Variants in KCNMA1 observed in about 807,000 individuals in gnomAD.
The protein encoded by KCNMA1 is potassium calcium-activated channel subfamily M alpha 1, also known as Calcium-activated potassium channel subunit alpha-1.
KCNMA1 carries 29 observed loss-of-function variants against 140.0 expected under a neutral mutation model. The observed-to-expected ratio is 0.21, with a 90% CI of 0.15 to 0.28. The LOEUF is 0.28. KCNMA1 is among the 10% of genes least tolerant of loss of function. The pLI is 1.00. For missense variants in KCNMA1, 880 were observed against 1,602.2 expected (o/e 0.55, Z 7.70); for synonymous variants, 612 against 611.9 (o/e 1.00, Z 0.00).
At chr10:76,959,044 C>T (rs191283211) in intron 20 of KCNMA1, among the ~76,000 whole-genome samples, 8 of 152,254 alleles carry the variant, frequency 5.3e-5, no homozygotes, top group African/African-American at 9.6e-5. Flanking sequence ...ATGTAATACC[C>T]AGTATCTCCT....
rs559583650 is a variant in KCNMA1 at position 77,207,784 on chromosome 10, T to C, written c.603-22868A>G. Among the ~76,000 whole-genome samples, 26 of 152,318 alleles carry C rather than the reference T, an allele frequency of 1.7e-4. No individual in the cohort carries two copies. The South Asian group carries it at 5.2e-3, about 30-fold the overall frequency. On this transcript the variant is annotated intron_variant, in intron 3 of 27. Coordinates refer to ENST00000286628, the MANE Select transcript of KCNMA1 (RefSeq NM_001161352.2). The stretch of plus-strand genomic sequence containing the variant: ...CTCCTTGAGCCTGTGATGGCCAAAA[T>C]TGCGTGCATACCATAAATGCTTAAC...
In KCNMA1 at chr10:76,887,303, C is replaced by T. The variant is rs200410171; in HGVS notation, c.3674G>A (p.Arg1225Gln). ...TTCCTGCACGTACTTCTGTTTGTCC[C>T]GGGACTCCCTGGACTTGGGCCGGTT... ...RQNRPKSRES[R>Q]DKQKYVQEER... The change falls in exon 28 of 28, where the codon CGG (arginine) becomes CAG (glutamine). Residue 1225 changes from arginine (R) to glutamine (Q), a missense_variant. Arg to Gln is a conservative substitution (Grantham distance 43, BLOSUM62 1). This residue lies in a region of KCNMA1 where 115 missense variants were observed against 139.9 expected (regional missense o/e 0.82). Transcript: ENST00000286628. 2.0e-5 allele frequency: 33 copies of T among 1,613,964 alleles called. No individual in the cohort carries two copies. Among genetic ancestry groups the T allele is most frequent in the African/African-American group, 2.7e-5 (2 of 74,892 alleles).
intron 21 of KCNMA1, among the ~76,000 whole-genome samples, chr10:76,950,180 C>T (rs993447017): frequency 6.6e-6 from 1 of 152,174 alleles, no homozygotes; most frequent in Non-Finnish European, 1.5e-5. Context: ...CCCTGAAAAA[C>T]CTAAATTTTT....
chr10:77,524,455 GCT>G (rs1314171222), intron 1 of KCNMA1, among the ~76,000 whole-genome samples: 4 of 152,188 alleles, frequency 2.6e-5, no homozygotes, highest in African/African-American at 9.7e-5. Context: ...TGCAAACTAT[GCT>G]CTCTCAGAAT....
chr10:77,184,326 T>C (rs571406473), intron 4 of KCNMA1, among the ~76,000 whole-genome samples: 66 of 152,256 alleles, frequency 4.3e-4, no homozygotes, highest in African/African-American at 1.6e-3. Flanking sequence ...TTCAAGCAAT[T>C]CTCCTGTCTC....
chr10:76,918,362 C>T (rs780567291), intron 23 of KCNMA1, among the ~76,000 whole-genome samples: 1 of 152,152 alleles, frequency 6.6e-6, no homozygotes, highest in Non-Finnish European at 1.5e-5. Flanking sequence ...TTAAATCATC[C>T]ACAGCCAAAG....
chr10:77,250,259 T>C (rs1398593313), intron 3 of KCNMA1: 8 of 152,148 alleles, frequency 5.3e-5, no homozygotes, highest in Non-Finnish European at 1.2e-4. Flanking sequence ...GGATAGAGTT[T>C]AAAGTTCAAA....
At chr10:77,506,034 C>T (rs1457268841) in intron 1 of KCNMA1, among the ~76,000 whole-genome samples, 2 of 152,136 alleles carry the variant, frequency 1.3e-5, no homozygotes, top group Non-Finnish European at 2.9e-5. Flanking sequence ...GAAAACCATG[C>T]TGCTTGGGAA....
At chr10:77,166,767 G>A (rs574186115) in intron 5 of KCNMA1, among the ~76,000 whole-genome samples, 34 of 152,072 alleles carry the variant, frequency 2.2e-4, no homozygotes, top group Non-Finnish European at 4.1e-4. Flanking sequence ...AACTGCTAGT[G>A]GACATTGAGA....
intron 1 of KCNMA1, among the ~76,000 whole-genome samples, chr10:77,572,600 AT>A: frequency 4.5e-5 from 5 of 112,340 alleles, no homozygotes; most frequent in Admixed American, 9.5e-5. Context: ...ATATATATAT[AT>A]ATAAATTAGC....
chr10:77,572,578 A>C (rs1365811091), intron 1 of KCNMA1, among the ~76,000 whole-genome samples: 2 of 81,040 alleles, frequency 2.5e-5, no homozygotes, highest in African/African-American at 1.2e-4. Flanking sequence ...CCATATATAT[A>C]TATATATATA....
rs562828505 is a variant in KCNMA1 at position 77,450,591 on chromosome 10, TC to T, written c.379-46569del. ...CTCCCATAAAAGCATAATTTTATTA[TC>T]ATAAAAAGCCTCCTTTTCAAAACTT... On this transcript the variant is annotated intron_variant, in intron 1 of 27. Coordinates refer to ENST00000286628, the MANE Select transcript of KCNMA1 (RefSeq NM_001161352.2). Among the ~76,000 whole-genome samples the T allele has an allele frequency of 1.2e-4, 18 of 152,298 alleles. No individual in the cohort carries two copies. The East Asian group carries it at 3.3e-3, about 28-fold the overall frequency.
At chr10:77,484,775 G>A (rs1488585072) in intron 1 of KCNMA1, among the ~76,000 whole-genome samples, 4 of 152,198 alleles carry the variant, frequency 2.6e-5, no homozygotes, top group Non-Finnish European at 4.4e-5. Context: ...AATCTGCATC[G>A]CCAACAACTT....
chr10:77,532,069 C>T (rs986583614), intron 1 of KCNMA1, among the ~76,000 whole-genome samples: 2 of 152,204 alleles, frequency 1.3e-5, no homozygotes, highest in African/African-American at 4.8e-5. Context: ...AACTACCCAG[C>T]TCATTATCTC....
At chr10:76,923,508 G>A (rs1165628622) in intron 23 of KCNMA1, among the ~76,000 whole-genome samples, 1 of 152,048 alleles carries the variant, frequency 6.6e-6, no homozygotes, top group Non-Finnish European at 1.5e-5. Context: ...GTTGGTTAAG[G>A]GGAGGAAGGA....
chr10:77,577,265 G>C (rs893560501), intron 1 of KCNMA1, among the ~76,000 whole-genome samples: 3 of 151,756 alleles, frequency 2.0e-5, no homozygotes, highest in Non-Finnish European at 2.9e-5. Context: ...GGCCAGGCTG[G>C]TCTTGAACTC....
At chr10:77,388,013 A>G (rs2095677978) in intron 2 of KCNMA1, among the ~76,000 whole-genome samples, 1 of 152,190 alleles carries the variant, frequency 6.6e-6, no homozygotes, top group South Asian at 2.1e-4. Flanking sequence ...GATCAATCAG[A>G]ATGAACCCAG....
At chr10:77,181,699 G>T (rs1467627120) in intron 5 of KCNMA1, among the ~76,000 whole-genome samples, 2 of 152,148 alleles carry the variant, frequency 1.3e-5, no homozygotes, top group African/African-American at 4.8e-5. Flanking sequence ...AGATTTGTGT[G>T]TGACTCTACT....
At chr10:77,519,073 C>A (rs1403820376) in intron 1 of KCNMA1, among the ~76,000 whole-genome samples, 2 of 152,246 alleles carry the variant, frequency 1.3e-5, no homozygotes, top group Non-Finnish European at 2.9e-5. Context: ...TCCGTCCACT[C>A]ACTTGTCCCA....
Sources: allele counts gnomAD v4.1 joint callset (sites outside exome capture counted in the v4.1 genomes callset), GRCh38; gene constraint gnomAD v4.1.1; regional missense constraint gnomAD v4.1.1; transcripts MANE v1.5; gene names NCBI Gene and HGNC (gene_info 2026-07-23, HGNC 2026-07-21).